The following PRH1 variants were observed in gnomAD, a reference collection of about 807,000 sequenced individuals.
PRH1 encodes proline rich protein HaeIII subfamily 1.
In PRH1, 7 loss-of-function variants were observed where a neutral mutation model predicts 7.9. The observed-to-expected ratio is 0.89, with a 90% CI of 0.50 to 1.67. The LOEUF (loss-of-function observed/expected upper bound fraction) is 1.67, where lower values mean the gene tolerates loss of function less well. Among genes scored for constraint, PRH1 ranks in the 40% most tolerant of loss-of-function variants. PRH1 has a pLI of 0.00. For synonymous variants in PRH1, 45 were observed against 80.8 expected, an observed-to-expected ratio of 0.56 and a Z score of 2.38; for missense variants, 109 against 223.6, an observed-to-expected ratio of 0.49 and a Z score of 3.27.
At position 11,150,662 on chromosome 12, in the gene PRH1, G is replaced by A. The variant is rs1947049979; in HGVS notation, n.39+20760C>T. Among the ~76,000 whole-genome samples the A allele has an allele frequency of 1.3e-5, 2 of 152,126 alleles. 1 individual carries two copies. Among genetic ancestry groups the A allele is most frequent in the South Asian group, 4.2e-4 (2 of 4,806 alleles). On this transcript the variant is annotated intron_variant and non_coding_transcript_variant, in intron 1 of 1. Coordinates refer to the PRH1 transcript ENST00000541175. ...AGGAAGGGGAACATCACATTCTGGG[G>A]ACAGTTGTGGGGTTGGGGGAAGGGG...
intron 1 of PRH1, among the ~76,000 whole-genome samples, chr12:11,043,331 A>C (rs941442556): frequency 6.6e-6 from 1 of 152,244 alleles, no homozygotes; most frequent in African/African-American, 2.4e-5. Context: ...ACCCACAACT[A>C]GTATCATACT....
At chr12:11,147,353 A>T (rs529019568) in intron 1 of PRH1, among the ~76,000 whole-genome samples, 1 of 151,892 alleles carries the variant, frequency 6.6e-6, no homozygotes, top group East Asian at 1.9e-4. Flanking sequence ...ACACACCGCT[A>T]ATTTTTGTAT....
Position 10,893,217 on chromosome 12 carries a change from T to A in PRH1, c.-58-8942A>T, listed in dbSNP as rs558389833. On this transcript the variant is annotated intron_variant, in intron 2 of 3. Transcript: ENST00000539853. Reference sequence around the variant, plus strand: ...GTCCTCGTACAGTTATCAGGTAAAATACAGAGTGTGTCAGTTCAATTTGAA... The same window carrying A: ...GTCCTCGTACAGTTATCAGGTAAAAAACAGAGTGTGTCAGTTCAATTTGAA... Among the ~76,000 whole-genome samples, 11 of 152,264 alleles carry A rather than the reference T, an allele frequency of 7.2e-5. No individual in the cohort carries two copies. The South Asian group carries it at 2.3e-3, about 32-fold the overall frequency.
At chr12:11,142,618 T>C (rs1199570432) in intron 1 of PRH1, among the ~76,000 whole-genome samples, 1 of 152,156 alleles carries the variant, frequency 6.6e-6, no homozygotes, top group Non-Finnish European at 1.5e-5. Context: ...CAACAAACAA[T>C]GCCAGGTAAA....
At chr12:10,939,296 G>T in intron 2 of PRH1, 1 of 727,784 alleles carries the variant, frequency 1.4e-6, no homozygotes, top group Admixed American at 3.3e-5. Flanking sequence ...TCTGATTCTT[G>T]AAAATTCAAT....
chr12:10,995,975 G>T (rs1940206158), intron 1 of PRH1, among the ~76,000 whole-genome samples: 1 of 151,590 alleles, frequency 6.6e-6, no homozygotes. Context: ...TTTCACCCTT[G>T]AATTTTATTT....
chr12:11,006,133 C>T (rs1234440679), intron 1 of PRH1: 1 of 151,936 alleles, frequency 6.6e-6, no homozygotes, highest in Non-Finnish European at 1.5e-5. Flanking sequence ...CATATACCGA[C>T]GATTCTGAGA....
At chr12:11,143,470 C>A (rs1031433521) in intron 1 of PRH1, among the ~76,000 whole-genome samples, 1 of 152,052 alleles carries the variant, frequency 6.6e-6, no homozygotes, top group African/African-American at 2.4e-5. Flanking sequence ...CACAACATAA[C>A]CAGAAAACAG....
At chr12:11,012,822 T>C (rs1006775913) in intron 1 of PRH1, among the ~76,000 whole-genome samples, 24 of 152,142 alleles carry the variant, frequency 1.6e-4, no homozygotes, top group African/African-American at 5.8e-4. Flanking sequence ...TCTCCCAAAA[T>C]GCTTGGATAC....
intron 1 of PRH1, among the ~76,000 whole-genome samples, chr12:11,148,996 C>T (rs1306175593): frequency 2.0e-5 from 3 of 150,268 alleles, no homozygotes; most frequent in African/African-American, 7.3e-5. Flanking sequence ...GACTCAACTT[C>T]TTCCTGGTTT....
At chr12:10,909,308 G>A in intron 2 of PRH1, 1 of 1,593,796 alleles carries the variant, frequency 6.3e-7, no homozygotes, top group Non-Finnish European at 8.6e-7. Flanking sequence ...TGTCAGAACA[G>A]AGAAAGTTCA....
intron 2 of PRH1, chr12:10,965,429 A>C: frequency 8.9e-6 from 5 of 562,514 alleles, no homozygotes; most frequent in Non-Finnish European, 1.4e-5. Flanking sequence ...CTGACCTTAA[A>C]TTTTATGTGG....
chr12:11,052,140 C>T (rs75239892), upstream of PRH1, among the ~76,000 whole-genome samples: 552 of 151,706 alleles, frequency 3.6e-3, 6 homozygotes, highest in African/African-American at 0.013. Flanking sequence ...ATCAATTATA[C>T]GTTTAATCCA....
Position 10,939,096 on chromosome 12 carries a change from C to A in PRH1, c.-59+34559G>T, listed in dbSNP as rs1169534664. ...CGATCAACCGAAGAGATCTTTCTTC[C>A]CTTGACCCAGTCAATACAGTTCACC... On this transcript the variant is annotated intron_variant, in intron 2 of 3. Coordinates refer to the PRH1 transcript ENST00000539853. 5 of 1,613,772 alleles carry A rather than the reference C, an allele frequency of 3.1e-6. No individual in the cohort carries two copies. In the African/African-American group the frequency reaches 6.7e-5, roughly 22 times the overall value.
Position 11,150,626 on chromosome 12 carries a change from C to T in PRH1, n.39+20796G>A, listed in dbSNP as rs1182091984. ...ATAGGTGGGAATTGAACAATGAGAA[C>T]ACATGGACACAGGAAGGGGAACATC... On this transcript the variant is annotated intron_variant and non_coding_transcript_variant, in intron 1 of 1. Coordinates refer to the PRH1 transcript ENST00000541175. Among the ~76,000 whole-genome samples the T allele has an allele frequency of 2.0e-5, 3 of 151,932 alleles. No homozygotes were observed. In the South Asian group the frequency reaches 6.2e-4, roughly 32 times the overall value.
At chr12:10,988,744 CCCTACA>C (rs1424125154) in intron 1 of PRH1, among the ~76,000 whole-genome samples, 2 of 152,054 alleles carry the variant, frequency 1.3e-5, no homozygotes, top group East Asian at 3.9e-4. Context: ...CTCTCCAAGC[CCCTACA>C]CCTTTCTTCA....
chr12:10,909,613 T>C (rs1387270718), intron 2 of PRH1: 1 of 313,612 alleles, frequency 3.2e-6, no homozygotes. Context: ...TTTGCAACCA[T>C]GCAAATAAAG....
At chr12:11,042,770 C>T (rs1942761733) in intron 1 of PRH1, among the ~76,000 whole-genome samples, 1 of 151,764 alleles carries the variant, frequency 6.6e-6, no homozygotes, top group Non-Finnish European at 1.5e-5. Flanking sequence ...GCTGGGACTA[C>T]AGGCGCCCAC....
At position 11,138,016 on chromosome 12, in the gene PRH1, G is replaced by A. The variant is rs116583081; in HGVS notation, n.40-16836C>T. 2.6e-3 allele frequency among the ~76,000 whole-genome samples: 401 copies of A among 152,074 alleles called. 1 individual carries two copies. Among genetic ancestry groups the A allele is most frequent in the African/African-American group, 9.3e-3 (385 of 41,510 alleles). On this transcript the variant is annotated intron_variant and non_coding_transcript_variant, in intron 1 of 1. Transcript: ENST00000541175. ...ATCAGGCCTAGGCAAATACCCTCAC[G>A]TGGTATTTCATCAAGAATAATGTAA...
Sources: allele counts gnomAD v4.1 joint callset (sites outside exome capture counted in the v4.1 genomes callset), GRCh38; gene constraint gnomAD v4.1.1; transcripts MANE v1.5; gene names NCBI Gene and HGNC (gene_info 2026-07-23, HGNC 2026-07-21).